Variants in RORB observed in about 807,000 individuals in gnomAD.
The protein encoded by RORB is RAR related orphan receptor B.
Under a neutral mutation model 59.1 loss-of-function variants are expected in RORB, and 6 were observed. The observed-to-expected ratio is 0.10, with a 90% CI of 0.06 to 0.20. The LOEUF is 0.20. RORB is among the 10% of genes least tolerant of loss of function. RORB has a pLI of 1.00. For missense variants in RORB, 320 were observed against 560.5 expected (o/e 0.57, Z 4.33); for synonymous variants, 215 against 204.5 (o/e 1.05, Z -0.44).
intron 4 of RORB, among the ~76,000 whole-genome samples, chr9:74,647,731 A>G (rs1012306481): frequency 7.2e-5 from 11 of 152,224 alleles, no homozygotes; most frequent in Non-Finnish European, 2.9e-5. Flanking sequence ...ACAAAGAGGT[A>G]TTGGCCTAAA....
chr9:74,526,449 A>G (rs1157371752), intron 1 of RORB, among the ~76,000 whole-genome samples: 1 of 151,714 alleles, frequency 6.6e-6, no homozygotes, highest in Non-Finnish European at 1.5e-5. Context: ...CCTCCATCAC[A>G]CTTTCTCCTT....
intron 1 of RORB, among the ~76,000 whole-genome samples, chr9:74,549,974 C>T (rs1826581818): frequency 6.6e-6 from 1 of 152,084 alleles, no homozygotes; most frequent in Admixed American, 6.5e-5. Context: ...AGGTGATCTG[C>T]CTGCCTCAGC....
At chr9:74,554,143 A>G (rs1056781366) in intron 1 of RORB, among the ~76,000 whole-genome samples, 1 of 152,174 alleles carries the variant, frequency 6.6e-6, no homozygotes, top group African/African-American at 2.4e-5. Flanking sequence ...ACAACCACTG[A>G]TTTACTCCAA....
Position 74,553,122 on chromosome 9 carries a change from C to T in RORB, c.7+55139C>T, listed in dbSNP as rs180853334. On this transcript the variant is annotated intron_variant, in intron 1 of 9. Transcript: ENST00000376896. The stretch of plus-strand genomic sequence containing the variant: ...ATTTTATTCTGAGAGCAGGGAGAAG[C>T]TGTTGGAGGATCTTACACAGAGGGG... 6.8e-4 allele frequency among the ~76,000 whole-genome samples: 103 copies of T among 152,170 alleles called. 1 individual carries two copies. Among genetic ancestry groups the T allele is most frequent in the African/African-American group, 2.3e-3 (95 of 41,506 alleles).
chr9:74,589,070 A>G (rs1822850284), intron 1 of RORB, among the ~76,000 whole-genome samples: 1 of 152,186 alleles, frequency 6.6e-6, no homozygotes, highest in Admixed American at 6.6e-5. Context: ...TACAGGGAGG[A>G]CTTATTGGAT....
At chr9:74,635,370 T>G (rs1482626774) in intron 3 of RORB, among the ~76,000 whole-genome samples, 4 of 152,182 alleles carry the variant, frequency 2.6e-5, no homozygotes, top group Non-Finnish European at 5.9e-5. Context: ...TCATACCTTC[T>G]ACACTCCACC....
chr9:74,615,986 G>A (rs1160203161), intron 1 of RORB, among the ~76,000 whole-genome samples: 2 of 151,966 alleles, frequency 1.3e-5, no homozygotes, highest in South Asian at 2.1e-4. Context: ...TTGGTCATCA[G>A]CATTGCTATC....
intron 4 of RORB, among the ~76,000 whole-genome samples, chr9:74,651,565 T>G (rs1000723209): frequency 4.0e-5 from 6 of 150,578 alleles, no homozygotes; most frequent in African/African-American, 1.5e-4. Context: ...AAAATTCTCA[T>G]GTAGCCTCTC....
chr9:74,649,291 C>A (rs770672703), intron 4 of RORB, among the ~76,000 whole-genome samples: 2 of 152,148 alleles, frequency 1.3e-5, no homozygotes. Flanking sequence ...CTACCTAAGT[C>A]ACCTGGGTCA....
In RORB at chr9:74,692,887, T is replaced by G. The variant is rs1451441701; in HGVS notation, c.*7269T>G. ...ATATAAGCCCTAATTTCTGTGTATG[T>G]GAGTAAAACTGCAGCCTGAGTCATT... On this transcript the variant is annotated 3_prime_UTR_variant, in exon 10 of 10. Coordinates refer to ENST00000376896, the MANE Select transcript of RORB (RefSeq NM_006914.4). 1 of 152,200 alleles carries G rather than the reference T, an allele frequency of 6.6e-6. No homozygotes were observed. Among genetic ancestry groups the G allele is most frequent in the Non-Finnish European group, 1.5e-5 (1 of 68,036 alleles). 9.4% of individuals were successfully genotyped at this position (152,200 alleles called of 1,614,324 possible). A position where few individuals can be genotyped will look rare whatever the true frequency, so the allele number is the denominator to read the frequency against.
intron 1 of RORB, among the ~76,000 whole-genome samples, chr9:74,622,280 T>C (rs1210641929): frequency 6.6e-6 from 1 of 152,200 alleles, no homozygotes; most frequent in Non-Finnish European, 1.5e-5. Context: ...AGACGAGTTT[T>C]ATTTACTGAA....
intron 1 of RORB, among the ~76,000 whole-genome samples, chr9:74,559,694 T>G (rs1357758199): frequency 6.6e-6 from 1 of 152,186 alleles, no homozygotes; most frequent in Non-Finnish European, 1.5e-5. Flanking sequence ...ATAATAATAG[T>G]AATATTCTGG....
At chr9:74,662,942 GA>G (rs35451203) in intron 6 of RORB, among the ~76,000 whole-genome samples, 1,648 of 142,460 alleles carry the variant, frequency 0.012, 21 homozygotes, top group African/African-American at 0.032. Flanking sequence ...TCTGTGAAAG[GA>G]AAAAAAAAAA....
intron 1 of RORB, among the ~76,000 whole-genome samples, chr9:74,625,589 T>G (rs953725341): frequency 3.9e-5 from 6 of 152,210 alleles, no homozygotes; most frequent in Non-Finnish European, 2.9e-5. Context: ...CCAGCCTAGA[T>G]GACAAAGTGA....
At chr9:74,644,401 C>G (rs112061597) in intron 4 of RORB, among the ~76,000 whole-genome samples, 1 of 152,182 alleles carries the variant, frequency 6.6e-6, no homozygotes, top group African/African-American at 2.4e-5. Context: ...TTACTTTTCA[C>G]GAACATCTTA....
intron 1 of RORB, among the ~76,000 whole-genome samples, chr9:74,585,349 A>T (rs1237116296): frequency 1.3e-5 from 2 of 152,260 alleles, no homozygotes; most frequent in Non-Finnish European, 2.9e-5. Flanking sequence ...GTAAAAATAT[A>T]TGAAAATACA....
intron 4 of RORB, 143 bp from the exon 5 acceptor site, chr9:74,660,474 G>A (rs1003043359): frequency 2.4e-5 from 15 of 615,478 alleles, no homozygotes; most frequent in Non-Finnish European, 1.6e-5. Flanking sequence ...TTTGTCTGAA[G>A]ATTTTAAGAT....
At chr9:74,566,622 C>A (rs1822473682) in intron 1 of RORB, among the ~76,000 whole-genome samples, 2 of 152,024 alleles carry the variant, frequency 1.3e-5, no homozygotes, top group Admixed American at 1.3e-4. Context: ...CATGGTGAAA[C>A]CCCGTCTCTA....
intron 4 of RORB, among the ~76,000 whole-genome samples, chr9:74,657,810 G>T (rs773708838): frequency 1.3e-5 from 2 of 152,020 alleles, no homozygotes; most frequent in Non-Finnish European, 2.9e-5. Flanking sequence ...TTTGGGACCA[G>T]CCTGGCCAAG....
Sources: allele counts gnomAD v4.1 joint callset (sites outside exome capture counted in the v4.1 genomes callset), GRCh38; gene constraint gnomAD v4.1.1; transcripts MANE v1.5; gene names NCBI Gene and HGNC (gene_info 2026-07-23, HGNC 2026-07-21).